Variants in SEC23B observed in about 807,000 individuals in gnomAD.
SEC23B encodes the protein protein transport protein Sec23B.
A neutral mutation model predicts 104.3 loss-of-function variants in SEC23B; 77 were observed. The observed-to-expected ratio is 0.74, with a 90% confidence interval of 0.61 to 0.89. The LOEUF (loss-of-function observed/expected upper bound fraction) is 0.89, where lower values mean the gene tolerates loss of function less well. Ranked by LOEUF, SEC23B falls within the 40% of genes least tolerant of loss-of-function variation. The probability of loss-of-function intolerance (pLI) is 0.00; values close to 1 mark genes in which losing one functional copy is unlikely to be tolerated. For synonymous variants in SEC23B, 338 were observed against 332.5 expected, an observed-to-expected ratio of 1.02 and a Z score of -0.18; for missense variants, 885 against 949.4, an observed-to-expected ratio of 0.93 and a Z score of 0.89.
chr20:18,544,307 G>T (rs190834004), intron 14 of SEC23B, among the ~76,000 whole-genome samples: 67 of 152,286 alleles, frequency 4.4e-4, no homozygotes, highest in African/African-American at 1.5e-3. Context: ...CATTTTTCAG[G>T]AAGTGTCAAC....
At chr20:18,533,133 C>T (rs1013739258) in intron 11 of SEC23B, among the ~76,000 whole-genome samples, 1 of 152,196 alleles carries the variant, frequency 6.6e-6, no homozygotes. Context: ...AGAGGTGATA[C>T]GTTTGTCTCA....
At chr20:18,523,411 T>TC (rs1438427691) in intron 4 of SEC23B, among the ~76,000 whole-genome samples, 1 of 148,368 alleles carries the variant, frequency 6.7e-6, no homozygotes, top group Non-Finnish European at 1.5e-5. Context: ...TTTTTTTTTT[T>TC]TTCTTTTTTT....
At chr20:18,524,135 G>T in intron 4 of SEC23B, among the ~76,000 whole-genome samples, 1 of 152,178 alleles carries the variant, frequency 6.6e-6, no homozygotes, top group East Asian at 1.9e-4. Flanking sequence ...GCTCCTTGAG[G>T]CAGGTAGAAG....
In SEC23B at chr20:18,543,192, A is replaced by T. The variant is rs762597233; in HGVS notation, c.1665+20A>T. On this transcript the variant is annotated intron_variant, in intron 14 of 19. Coordinates refer to ENST00000650089, the MANE Select transcript of SEC23B (RefSeq NM_006363.6). ...CGACTGGTAAATTGGGGACAGTGGC[A>T]TTAGGTTCAGTCTTGGTTTCTGCTT... 18 of 1,614,000 alleles carry T rather than the reference A, an allele frequency of 1.1e-5. No homozygotes were observed. Among genetic ancestry groups the T allele is most frequent in the Non-Finnish European group, 1.5e-5 (18 of 1,179,996 alleles).
At chr20:18,548,168 C>T (rs897451957) in intron 15 of SEC23B, among the ~76,000 whole-genome samples, 1 of 152,042 alleles carries the variant, frequency 6.6e-6, no homozygotes, top group Admixed American at 6.6e-5. Flanking sequence ...TCAGGCTGGT[C>T]TTGAACTCCC....
intron 10 of SEC23B, 73 bp from the exon 11 acceptor site, chr20:18,532,591 T>G: frequency 9.4e-7 from 1 of 1,063,136 alleles, no homozygotes; most frequent in East Asian, 2.4e-5. Flanking sequence ...CTCTAAGCTT[T>G]CATTGTGGCC....
chr20:18,544,753 T>C (rs1204225429), intron 14 of SEC23B, among the ~76,000 whole-genome samples: 2 of 152,142 alleles, frequency 1.3e-5, no homozygotes, highest in Admixed American at 6.6e-5. Context: ...TTGTTGTGAA[T>C]GGAGGATTTT....
At chr20:18,553,772 G>A (rs1051338166) in intron 17 of SEC23B, among the ~76,000 whole-genome samples, 5 of 152,178 alleles carry the variant, frequency 3.3e-5, no homozygotes, top group African/African-American at 1.2e-4. Flanking sequence ...ACAATTGCAC[G>A]CAAGTCTGTA....
chr20:18,509,786 C>G (rs2059965543), intron 1 of SEC23B: 1 of 152,278 alleles, frequency 6.6e-6, no homozygotes, highest in Non-Finnish European at 1.5e-5. Flanking sequence ...CGGAGTTTCA[C>G]TGTGTTGGCC....
chr20:18,526,636 A>T, intron 8 of SEC23B, 105 bp downstream of exon 8: 1 of 1,200,284 alleles, frequency 8.3e-7, no homozygotes, highest in Non-Finnish European at 1.2e-6. Flanking sequence ...ATGGTCAGCA[A>T]GACGCTGTTT....
At chr20:18,510,280 T>G (rs1301362418) in intron 1 of SEC23B, among the ~76,000 whole-genome samples, 1 of 152,186 alleles carries the variant, frequency 6.6e-6, no homozygotes, top group Non-Finnish European at 1.5e-5. Context: ...TTTAACTACA[T>G]GTAGTTTGGA....
At position 18,526,411 on chromosome 20, in the gene SEC23B, T is replaced by G. The variant is rs760457633; in HGVS notation, c.873T>G (p.Phe291Leu). Residue 291 changes from phenylalanine to leucine, a missense_variant, in exon 8 of 20, where the codon TTT (phenylalanine) becomes TTG (leucine). Coordinates refer to ENST00000650089, the MANE Select transcript of SEC23B (RefSeq NM_006363.6). The stretch of plus-strand genomic sequence containing the variant: ...ACACAGGAGCCAGGATCATGCTGTT[T>G]ACTGGAGGTCCCCCTACCCAAGGGC... ...FPNTGARIMLFTGGPPTQGPG... is the reference protein window; with the variant it reads ...FPNTGARIMLLTGGPPTQGPG... The G allele has an allele frequency of 1.2e-6, 2 of 1,614,230 alleles. No homozygotes were observed. The highest frequency in any genetic ancestry group is 1.7e-5 in the Admixed American group (1 of 60,022).
rs145935862 is a variant in SEC23B, at chr20:18,514,063, A to G, written c.280-1587A>G. On this transcript the variant is annotated intron_variant, in intron 3 of 19. Transcript: ENST00000650089. ...GTGCTTGACACATGGTAAGTGCCAT[A>G]TAAGTATTTGGTATTATTATGCTTA... 5.0e-3 allele frequency among the ~76,000 whole-genome samples: 767 copies of G among 152,352 alleles called. 9 individuals are homozygous for G. Among genetic ancestry groups the G allele is most frequent in the African/African-American group, 0.018 (734 of 41,586 alleles).
Position 18,554,975 on chromosome 20 carries a change from ATT to A in SEC23B, c.2149-132_2149-131del. The A allele has an allele frequency of 1.2e-4, 18 of 154,664 alleles. 7 individuals carry two copies. The highest frequency in any genetic ancestry group is 1.9e-4 in the East Asian group (2 of 10,494). 9.6% of individuals were successfully genotyped at this position (154,664 alleles called of 1,614,324 possible). ...ATTACTGTGCAGTAAAACAATTCTA[ATT>A]AGATTACTGTGCAGTAAAACAATTC... On this transcript the variant is annotated intron_variant, in intron 18 of 19. Coordinates refer to ENST00000650089, the MANE Select transcript of SEC23B (RefSeq NM_006363.6).
Position 18,530,697 on chromosome 20 carries a change from G to C in SEC23B, c.1127G>C (p.Gly376Ala), listed in dbSNP as rs1206865613. 4 of 1,611,950 alleles carry C rather than the reference G, an allele frequency of 2.5e-6. No individual in the cohort carries two copies. The highest frequency in any genetic ancestry group is 3.4e-6 in the Non-Finnish European group (4 of 1,178,224). ...ANLTGGYMVM[G>A]DSFNTSLFKQ... Reference sequence around the variant, plus strand: ...TTACCTAGAGGCTACATGGTAATGGGAGATTCTTTCAACACTTCTCTCTTC... The same window carrying C: ...TTACCTAGAGGCTACATGGTAATGGCAGATTCTTTCAACACTTCTCTCTTC... The change falls in exon 10 of 20, where the codon GGA becomes GCA. Residue 376 changes from glycine (G) to alanine (A), a missense_variant. Transcript: ENST00000650089.
chr20:18,527,461 A>G (rs2060143791), intron 8 of SEC23B, 35 bp from the exon 9 acceptor site: 3 of 1,171,416 alleles, frequency 2.6e-6, no homozygotes, highest in Non-Finnish European at 3.9e-6. Context: ...GAATAATGTC[A>G]CTGTTTCCTA....
At chr20:18,516,077 A>G (rs752949186) in intron 4 of SEC23B, 10 of 285,556 alleles carry the variant, frequency 3.5e-5, no homozygotes, top group Admixed American at 1.5e-4. Context: ...TTCACTGGAA[A>G]ATCCCATTGG....
chr20:18,555,751 C>T (rs894391757), intron 19 of SEC23B, among the ~76,000 whole-genome samples: 1 of 151,968 alleles, frequency 6.6e-6, no homozygotes, highest in Non-Finnish European at 1.5e-5. Context: ...ATCTTTTACC[C>T]ATTTTCCCTT....
chr20:18,540,249 C>G (rs2060275457), intron 12 of SEC23B, among the ~76,000 whole-genome samples: 1 of 152,146 alleles, frequency 6.6e-6, no homozygotes, highest in Non-Finnish European at 1.5e-5. Context: ...CAAAATTTCT[C>G]CTTGATTCAT....
Sources: gnomAD v4.1 joint callset for allele counts (sites outside exome capture counted in the v4.1 genomes callset) on GRCh38, gnomAD v4.1.1 for gene constraint, MANE v1.5 for transcripts, NCBI Gene and HGNC (gene_info 2026-07-23, HGNC 2026-07-21) for gene names.